IQANK1: variants seen among roughly 807,000 people sequenced by gnomAD.
IQANK1 encodes IQ motif and ankyrin repeat domain-containing protein 1.
A neutral mutation model predicts 22.6 loss-of-function variants in IQANK1; 30 were observed. The ratio of observed to expected loss-of-function variants is 1.33; its 90% CI spans 0.99 to 1.80. The LOEUF (loss-of-function observed/expected upper bound fraction) is 1.80, where lower values mean the gene tolerates loss of function less well. IQANK1 is among the 40% of genes most tolerant of loss of function. The pLI is 0.00. For synonymous variants in IQANK1, 122 were observed against 99.6 expected, an observed-to-expected ratio of 1.23 and a Z score of -1.34; for missense variants, 275 against 235.2, an observed-to-expected ratio of 1.17 and a Z score of -1.11.
intron 1 of IQANK1, among the ~76,000 whole-genome samples, chr8:143,734,484 C>T (rs1013574444): frequency 6.6e-6 from 1 of 151,632 alleles, no homozygotes; most frequent in African/African-American, 2.4e-5. Context: ...GCAGTGACCC[C>T]CCCATGCACA....
chr8:143,771,450 G>T lies in IQANK1; in HGVS notation c.176-38G>T, dbSNP rs1286088279. 3 of 396,980 alleles carry T rather than the reference G, an allele frequency of 7.6e-6. No homozygotes were observed. Among genetic ancestry groups the T allele is most frequent in the Non-Finnish European group, 1.3e-5 (3 of 225,060 alleles). 24.6% of individuals were successfully genotyped at this position (396,980 alleles called of 1,614,324 possible). Reference sequence around the variant, plus strand: ...CAGGGGCGCAGCAGGCGTGGCTGGAGGCGAGAACGCGCCCCCGTGAGCCTC... The same window carrying T: ...CAGGGGCGCAGCAGGCGTGGCTGGATGCGAGAACGCGCCCCCGTGAGCCTC... On this transcript the variant is annotated intron_variant, in intron 3 of 13. Coordinates refer to ENST00000527139, the MANE Select transcript of IQANK1 (RefSeq NM_001381874.1). The surrounding 1 kb of genome is among the most constrained non-coding windows in gnomAD (Gnocchi z 6.0).
chr8:143,772,688 G>A (rs1420443731), intron 7 of IQANK1, among the ~76,000 whole-genome samples: 3 of 152,198 alleles, frequency 2.0e-5, no homozygotes, highest in Admixed American at 6.5e-5. Context: ...TAGCCCCGCC[G>A]TGCGCCATTC....
At chr8:143,787,868 C>T (rs552595320) in intron 7 of IQANK1, among the ~76,000 whole-genome samples, 44 of 152,162 alleles carry the variant, frequency 2.9e-4, no homozygotes, top group African/African-American at 7.7e-4. Context: ...CTCCATGGCC[C>T]GTGCCTGTCC....
In IQANK1 at chr8:143,751,660, G is replaced by GTATATATATATATATA. The variant is rs1440239363; in HGVS notation, c.175+11713_175+11714insATATATATATATATAT. 5.4e-3 allele frequency among the ~76,000 whole-genome samples: 237 copies of GTATATATATATATATA among 43,964 alleles called. 2 individuals carry two copies. Among genetic ancestry groups the GTATATATATATATATA allele is most frequent in the Non-Finnish European group, 9.8e-3 (144 of 14,704 alleles). 28.8% of individuals were successfully genotyped at this position (43,964 alleles called of 152,430 possible). On this transcript the variant is annotated intron_variant, in intron 3 of 13. Transcript: ENST00000527139. ...TGTGTGTGTGTGTGTGTGTGTGTGTGTGTGTATATATATATATAAAATCCT... is the reference window on the plus strand; with the variant it reads ...TGTGTGTGTGTGTGTGTGTGTGTGTGTATATATATATATATATGTGTATATATATATATAAAATCCT...
At chr8:143,763,388 C>A (rs900569314) in intron 3 of IQANK1, among the ~76,000 whole-genome samples, 1 of 152,096 alleles carries the variant, frequency 6.6e-6, no homozygotes, top group African/African-American at 2.4e-5. Flanking sequence ...GTGTGTGAGA[C>A]CCTGCTCTAA....
intron 7 of IQANK1, among the ~76,000 whole-genome samples, chr8:143,775,673 A>G (rs112221825): frequency 0.04 from 6,051 of 152,016 alleles, 371 homozygotes; most frequent in African/African-American, 0.13. Context: ...GAGAGAGGAG[A>G]AGTGCTTGAA....
intron 7 of IQANK1, among the ~76,000 whole-genome samples, chr8:143,788,299 C>G (rs1819932433): frequency 1.3e-5 from 2 of 152,208 alleles, no homozygotes. Context: ...TCACTGTGAC[C>G]CCCTCCAAGC....
At chr8:143,751,268 C>G (rs1225210970) in intron 3 of IQANK1, among the ~76,000 whole-genome samples, 2 of 151,846 alleles carry the variant, frequency 1.3e-5, no homozygotes, top group African/African-American at 4.8e-5. Flanking sequence ...AGTGGAGTTA[C>G]AAACCAAAAT....
rs1401261324 is a variant in IQANK1, at chr8:143,772,481, GGGTGTGGACCCCAGA to G, written c.789+7_789+21del. 5.0e-6 allele frequency: 2 copies of G among 399,048 alleles called. No homozygotes were observed. The highest frequency in any genetic ancestry group is 8.8e-6 in the Non-Finnish European group (2 of 226,188). The allele number at this position is 399,048 out of a possible 1,614,324, so 24.7% of individuals were successfully genotyped here. On this transcript the variant is annotated splice_donor_variant and splice_donor_5th_base_variant and coding_sequence_variant and intron_variant, in exon 7 of 14. Coordinates refer to ENST00000527139, the MANE Select transcript of IQANK1 (RefSeq NM_001381874.1). LOFTEE classifies it high-confidence loss of function. Reference sequence around the variant, plus strand: ...GCAGAGGACGGGAGCACCCCTGAGCGGGTGTGGACCCCAGAGGTGTGGGCCCCGGGAGGTGTGAGC... The same window carrying G: ...GCAGAGGACGGGAGCACCCCTGAGCGGGTGTGGGCCCCGGGAGGTGTGAGC...
chr8:143,776,008 CGGGCGCGG>C (rs1819674820), intron 7 of IQANK1, among the ~76,000 whole-genome samples: 6 of 144,958 alleles, frequency 4.1e-5, no homozygotes, highest in African/African-American at 1.7e-4. Context: ...TGAGGAGGGC[CGGGCGCGG>C]TGGCTCACGC....
chr8:143,749,563 A>G (rs1321839234), intron 3 of IQANK1, among the ~76,000 whole-genome samples: 1 of 132,096 alleles, frequency 7.6e-6, no homozygotes, highest in Non-Finnish European at 1.6e-5. Flanking sequence ...TATATCATAT[A>G]TATCAATCAT....
In IQANK1 at chr8:143,773,947, T is replaced by A. The variant is rs1331563307; in HGVS notation, c.789+1465T>A. ...GCAGCTGGGGGTGCTGGGGGAGCCC[T>A]TGGGTGCCAGGGGACTGTGTGTTCA... On this transcript the variant is annotated intron_variant, in intron 7 of 13. Transcript: ENST00000527139. 2.6e-5 allele frequency among the ~76,000 whole-genome samples: 4 copies of A among 152,158 alleles called. No homozygotes were observed. In the South Asian group the frequency reaches 8.3e-4, roughly 32 times the overall value.
chr8:143,744,553 C>G (rs1818991281), intron 3 of IQANK1: 1 of 152,248 alleles, frequency 6.6e-6, no homozygotes, highest in African/African-American at 2.4e-5. Context: ...GCTGCCTCTT[C>G]AAGTTGACTG....
chr8:143,774,316 G>A lies in IQANK1; in HGVS notation c.789+1834G>A, dbSNP rs1350367594. On this transcript the variant is annotated intron_variant, in intron 7 of 13. Transcript: ENST00000527139. The surrounding 1 kb of genome is among the most constrained non-coding windows in gnomAD (Gnocchi z 4.2). ...GAACCACGCATCTGGCAAGGCACGT[G>A]TACCTAGAACATAGAAAAAACTCAC... Among the ~76,000 whole-genome samples the A allele has an allele frequency of 6.6e-6, 1 of 152,170 alleles. No homozygotes were observed. Among genetic ancestry groups the A allele is most frequent in the Non-Finnish European group, 1.5e-5 (1 of 68,028 alleles).
intron 3 of IQANK1, among the ~76,000 whole-genome samples, chr8:143,765,447 C>G (rs1472141016): frequency 2.0e-5 from 3 of 152,096 alleles, no homozygotes; most frequent in Non-Finnish European, 4.4e-5. Flanking sequence ...TGCAAAATTA[C>G]TGGATATAAA....
chr8:143,766,473 C>G (rs554716757), intron 3 of IQANK1, among the ~76,000 whole-genome samples: 44 of 151,972 alleles, frequency 2.9e-4, no homozygotes, highest in South Asian at 8.3e-4. Context: ...GAGTTCAAGA[C>G]CAGCCTGGCC....
At position 143,789,513 on chromosome 8, in the gene IQANK1, C is replaced by G; in HGVS notation, c.1071C>G (p.Thr357=). The G allele has an allele frequency of 8.1e-7, 1 of 1,232,254 alleles. No homozygotes were observed. The highest frequency in any genetic ancestry group is 1.0e-6 in the Non-Finnish European group (1 of 988,184). The allele number at this position is 1,232,254 out of a possible 1,614,324, so 76.3% of individuals were successfully genotyped here. A position where few individuals can be genotyped will look rare whatever the true frequency, so the allele number is the denominator to read the frequency against. ...DQCEWRCMDK[T]KLTLQAIKDT... Reference sequence around the variant, plus strand: ...GTGAGTGGAGGTGCATGGACAAGACCAAGCTCACGCTGCAGGTGGGGGCCC... The same window carrying G: ...GTGAGTGGAGGTGCATGGACAAGACGAAGCTCACGCTGCAGGTGGGGGCCC... The change falls in exon 10 of 14, where the codon ACC becomes ACG. Residue 357 remains threonine (T), a synonymous_variant. Coordinates refer to ENST00000527139, the MANE Select transcript of IQANK1 (RefSeq NM_001381874.1).
chr8:143,739,617 C>T, intron 2 of IQANK1: 1 of 417,318 alleles, frequency 2.4e-6, no homozygotes, highest in Non-Finnish European at 4.2e-6. Flanking sequence ...AGCCCAGGTG[C>T]CTTCCTGCGG....
intron 7 of IQANK1, among the ~76,000 whole-genome samples, chr8:143,788,395 T>C (rs1197299551): frequency 6.6e-6 from 1 of 152,234 alleles, no homozygotes; most frequent in African/African-American, 2.4e-5. Context: ...CCCGGCTCTC[T>C]GCACCCACTC....
Sources: allele counts gnomAD v4.1 joint callset (sites outside exome capture counted in the v4.1 genomes callset), GRCh38; gene constraint gnomAD v4.1.1; non-coding constraint Gnocchi (gnomAD v3.1); transcripts MANE v1.5; gene names NCBI Gene and HGNC (gene_info 2026-07-23, HGNC 2026-07-21).